LRRTM4: variants seen among roughly 807,000 people sequenced by gnomAD.
LRRTM4 encodes the protein leucine-rich repeat transmembrane neuronal protein 4.
Under a neutral mutation model 47.6 loss-of-function variants are expected in LRRTM4, and 25 were observed. The observed-to-expected ratio is 0.53, with a 90% confidence interval of 0.38 to 0.73. The LOEUF (loss-of-function observed/expected upper bound fraction) is 0.73, where lower values mean the gene tolerates loss of function less well. Among genes scored for constraint, LRRTM4 ranks in the 30% least tolerant of loss-of-function variants. The probability of loss-of-function intolerance (pLI) is 0.00; values close to 1 mark genes in which losing one functional copy is unlikely to be tolerated. For synonymous variants in LRRTM4, 311 were observed against 269.5 expected (o/e 1.15, Z -1.51); for missense variants, 638 against 713.4 (o/e 0.89, Z 1.20).
chr2:77,120,183 A>G (rs1284074698), intron 3 of LRRTM4, among the ~76,000 whole-genome samples: 1 of 151,820 alleles, frequency 6.6e-6, no homozygotes, highest in African/African-American at 2.4e-5. Context: ...GTCCAGATTG[A>G]TTTCACATCT....
intron 3 of LRRTM4, among the ~76,000 whole-genome samples, chr2:77,056,164 C>T (rs1172891967): frequency 3.4e-5 from 5 of 144,982 alleles, no homozygotes; most frequent in Non-Finnish European, 7.5e-5. Context: ...ACATTGTGCA[C>T]ATGTACCCTA....
intron 3 of LRRTM4, among the ~76,000 whole-genome samples, chr2:77,215,047 T>C (rs973691243): frequency 6.6e-6 from 1 of 152,200 alleles, no homozygotes; most frequent in African/African-American, 2.4e-5. Flanking sequence ...GGACTAGCCA[T>C]ATATTCCCAG....
Position 77,496,639 on chromosome 2 carries a change from A to G in LRRTM4, c.1551+21679T>C, listed in dbSNP as rs560186388. On this transcript the variant is annotated intron_variant, in intron 3 of 3. Coordinates refer to ENST00000409884, the MANE Select transcript of LRRTM4 (RefSeq NM_001134745.3). Reference sequence around the variant, plus strand: ...TAATATTTGGATGCTATACTGACCTAGCATTCCTGGTATGCAGTTGATTTG... The same window carrying G: ...TAATATTTGGATGCTATACTGACCTGGCATTCCTGGTATGCAGTTGATTTG... Among the ~76,000 whole-genome samples the G allele has an allele frequency of 2.0e-4, 31 of 151,940 alleles. No individual in the cohort carries two copies. The South Asian group carries it at 6.0e-3, about 29-fold the overall frequency.
intron 3 of LRRTM4, among the ~76,000 whole-genome samples, chr2:77,323,479 C>G (rs555628550): frequency 6.6e-6 from 1 of 152,092 alleles, no homozygotes; most frequent in African/African-American, 2.4e-5. Context: ...CCAAACATTT[C>G]TGTTTGTTTC....
At chr2:77,158,842 C>T (rs911872041) in intron 3 of LRRTM4, among the ~76,000 whole-genome samples, 5 of 151,120 alleles carry the variant, frequency 3.3e-5, no homozygotes, top group African/African-American at 4.9e-5. Flanking sequence ...TATAATTGTA[C>T]AATAATAAAC....
At chr2:77,416,989 A>C (rs570575668) in intron 3 of LRRTM4, among the ~76,000 whole-genome samples, 2 of 152,268 alleles carry the variant, frequency 1.3e-5, no homozygotes, top group Admixed American at 1.3e-4. Flanking sequence ...TTTGCATTCT[A>C]CTCATCTGAC....
chr2:76,816,681 A>G (rs974993658), intron 3 of LRRTM4, among the ~76,000 whole-genome samples: 6 of 151,880 alleles, frequency 4.0e-5, no homozygotes, highest in African/African-American at 1.4e-4. Context: ...ACCTGGATCA[A>G]CCTTACTGAA....
chr2:76,841,914 A>C (rs893850380), intron 3 of LRRTM4, among the ~76,000 whole-genome samples: 1 of 152,184 alleles, frequency 6.6e-6, no homozygotes, highest in Admixed American at 6.6e-5. Flanking sequence ...CTATGGGACA[A>C]TGGGCTCACA....
intron 3 of LRRTM4, among the ~76,000 whole-genome samples, chr2:77,347,572 T>C (rs1207498362): frequency 2.0e-5 from 3 of 152,106 alleles, no homozygotes; most frequent in Non-Finnish European, 4.4e-5. Flanking sequence ...TTATCTGTAG[T>C]GACAGATTAG....
intron 3 of LRRTM4, among the ~76,000 whole-genome samples, chr2:76,817,977 A>C (rs1459660609): frequency 1.3e-5 from 2 of 151,998 alleles, no homozygotes; most frequent in Non-Finnish European, 2.9e-5. Context: ...AAGGGGTTTC[A>C]TGCTCTTTTA....
At chr2:77,520,577 C>CTTT (rs1679447345) in intron 2 of LRRTM4, among the ~76,000 whole-genome samples, 1 of 152,066 alleles carries the variant, frequency 6.6e-6, no homozygotes, top group Non-Finnish European at 1.5e-5. Flanking sequence ...ATACTCATAA[C>CTTT]AGAGAACACT....
intron 3 of LRRTM4, among the ~76,000 whole-genome samples, chr2:77,033,834 T>C (rs887715063): frequency 3.3e-5 from 5 of 151,844 alleles, no homozygotes; most frequent in African/African-American, 1.2e-4. Context: ...AATTAACTTA[T>C]AAAGGAGGAG....
intron 3 of LRRTM4, among the ~76,000 whole-genome samples, chr2:76,989,385 C>G (rs75326642): frequency 2.6e-5 from 4 of 151,640 alleles, no homozygotes; most frequent in African/African-American, 9.7e-5. Flanking sequence ...GGGTTTGAAG[C>G]GAATTACTTC....
chr2:77,410,282 G>A (rs994729980), intron 3 of LRRTM4, among the ~76,000 whole-genome samples: 1 of 152,010 alleles, frequency 6.6e-6, no homozygotes, highest in Non-Finnish European at 1.5e-5. Context: ...TCTGATATTG[G>A]GAAAATGGGA....
At chr2:77,000,536 AG>A (rs1483224454) in intron 3 of LRRTM4, among the ~76,000 whole-genome samples, 1 of 152,198 alleles carries the variant, frequency 6.6e-6, no homozygotes, top group African/African-American at 2.4e-5. Flanking sequence ...AAGTGTGCTC[AG>A]GGACTGCATA....
rs1408046191 is a variant in LRRTM4 at position 77,369,766 on chromosome 2, C to T, written c.1551+148552G>A. 1.1e-4 allele frequency among the ~76,000 whole-genome samples: 16 copies of T among 151,728 alleles called. No individual in the cohort carries two copies. The Admixed American group carries it at 1.1e-3, about 10-fold the overall frequency. On this transcript the variant is annotated intron_variant, in intron 3 of 3. Transcript: ENST00000409884. ...TAGGCTATATGGTATACCTATTACT[C>T]CTAGGCTAGAAATCTTTACAGCCTC...
intron 3 of LRRTM4, among the ~76,000 whole-genome samples, chr2:77,299,680 A>AAG (rs1387379733): frequency 6.6e-6 from 1 of 152,128 alleles, no homozygotes; most frequent in Non-Finnish European, 1.5e-5. Flanking sequence ...TCTCTATTGT[A>AAG]AGACACACTG....
intron 3 of LRRTM4, among the ~76,000 whole-genome samples, chr2:76,793,144 G>A (rs941354712): frequency 6.6e-6 from 1 of 152,160 alleles, no homozygotes; most frequent in Non-Finnish European, 1.5e-5. Flanking sequence ...TAGGCAAGTA[G>A]ACCCAGGGGT....
chr2:76,909,398 A>T (rs1264711361), intron 3 of LRRTM4, among the ~76,000 whole-genome samples: 4 of 152,188 alleles, frequency 2.6e-5, no homozygotes, highest in Non-Finnish European at 5.9e-5. Flanking sequence ...ACCCTAGAAG[A>T]AAACCTAGGC....
Sources: allele counts gnomAD v4.1 joint callset (sites outside exome capture counted in the v4.1 genomes callset), GRCh38; gene constraint gnomAD v4.1.1; transcripts MANE v1.5; gene names NCBI Gene and HGNC (gene_info 2026-07-23, HGNC 2026-07-21).